The following LRRC4C variants were observed in gnomAD, a reference collection of about 807,000 sequenced individuals.
The protein encoded by LRRC4C is leucine-rich repeat-containing protein 4C.
LRRC4C carries 5 observed loss-of-function variants against 33.6 expected under a neutral mutation model. That is an observed-to-expected ratio of 0.15 (90% CI 0.08 to 0.31). LRRC4C has a LOEUF of 0.31. Among genes scored for constraint, LRRC4C ranks in the 10% least tolerant of loss-of-function variants. The pLI, the probability that LRRC4C is intolerant of heterozygous loss-of-function variation, is 1.00. For synonymous variants in LRRC4C, 329 were observed against 302.0 expected, an observed-to-expected ratio of 1.09 and a Z score of -0.93; for missense variants, 560 against 796.7, an observed-to-expected ratio of 0.70 and a Z score of 3.58.
chr11:41,125,244 A>C (rs945092813), intron 1 of LRRC4C, among the ~76,000 whole-genome samples: 1 of 150,946 alleles, frequency 6.6e-6, no homozygotes, highest in Non-Finnish European at 1.5e-5. Flanking sequence ...TCTCTATAAA[A>C]TTATTGACAA....
At chr11:40,454,032 G>A (rs923840348) in intron 3 of LRRC4C, among the ~76,000 whole-genome samples, 2 of 152,132 alleles carry the variant, frequency 1.3e-5, no homozygotes, top group African/African-American at 4.8e-5. Flanking sequence ...CTGTCAATGA[G>A]CAGTGCTAAA....
At chr11:41,176,917 A>C (rs984129860) in intron 1 of LRRC4C, among the ~76,000 whole-genome samples, 5 of 152,106 alleles carry the variant, frequency 3.3e-5, no homozygotes, top group Non-Finnish European at 5.9e-5. Context: ...GCGAGCTGAG[A>C]TTGCGCCACT....
In LRRC4C at chr11:40,543,517, C is replaced by T. The variant is rs139757024; in HGVS notation, c.-270+104625G>A. On this transcript the variant is annotated intron_variant, in intron 3 of 6. Coordinates refer to ENST00000528697, the MANE Select transcript of LRRC4C (RefSeq NM_001258419.2). ...AGATGCCATTCACTGAATTGAAATA[C>T]GTTCTCACTGGTTTCTAATATTCAC... is the stretch of plus-strand genomic sequence containing the variant. 3.4e-3 allele frequency among the ~76,000 whole-genome samples: 519 copies of T among 152,148 alleles called. 3 individuals carry two copies. Among genetic ancestry groups the T allele is most frequent in the African/African-American group, 0.012 (495 of 41,534 alleles).
intron 1 of LRRC4C, among the ~76,000 whole-genome samples, chr11:40,965,654 G>T (rs559730476): frequency 4.3e-4 from 66 of 152,200 alleles, no homozygotes; most frequent in Admixed American, 5.9e-4. Context: ...GTTTTTGTCA[G>T]ATTTGTCAAA....
chr11:40,350,215 A>G (rs1488398819), intron 3 of LRRC4C, among the ~76,000 whole-genome samples: 1 of 152,152 alleles, frequency 6.6e-6, no homozygotes, highest in Non-Finnish European at 1.5e-5. Flanking sequence ...TAGTAGTTTC[A>G]TAGCTTGCGA....
rs572735802 is a variant in LRRC4C, at chr11:40,669,044, T to C, written c.-406-20766A>G. 2.0e-5 allele frequency among the ~76,000 whole-genome samples: 3 copies of C among 152,314 alleles called. 1 individual carries two copies. The highest frequency in any genetic ancestry group is 7.2e-5 in the African/African-American group (3 of 41,582). ...TTTAAAGGCAAATATAAATCTTAAA[T>C]AGGTTTTCTATTCTGGGTAGCCCTC... On this transcript the variant is annotated intron_variant, in intron 2 of 6. Coordinates refer to ENST00000528697, the MANE Select transcript of LRRC4C (RefSeq NM_001258419.2).
intron 1 of LRRC4C, among the ~76,000 whole-genome samples, chr11:41,075,014 C>CTTTTTTTTTTTTATTTTTTT (rs1555064765): frequency 2.4e-4 from 24 of 101,048 alleles, no homozygotes; most frequent in Non-Finnish European, 3.9e-4. Context: ...CTTCAATTTT[C>CTTTTTTTTTTTTATTTTTTT]TTTTTTTTTT....
chr11:41,035,701 A>C (rs1395860747), intron 1 of LRRC4C, among the ~76,000 whole-genome samples: 1 of 152,218 alleles, frequency 6.6e-6, no homozygotes, highest in Non-Finnish European at 1.5e-5. Flanking sequence ...GGAATAATAC[A>C]TTTTCTAAAC....
intron 3 of LRRC4C, among the ~76,000 whole-genome samples, chr11:40,410,997 CT>C (rs1950137781): frequency 6.6e-6 from 1 of 151,916 alleles, no homozygotes; most frequent in Admixed American, 6.6e-5. Flanking sequence ...TTCTCCCTTG[CT>C]TTCTTGTTTA....
At chr11:40,753,004 T>A (rs980820858) in intron 2 of LRRC4C, among the ~76,000 whole-genome samples, 7 of 152,144 alleles carry the variant, frequency 4.6e-5, no homozygotes, top group African/African-American at 1.7e-4. Context: ...TTATGCTAAG[T>A]CAAATAAGTC....
At chr11:41,039,964 C>T (rs944918601) in intron 1 of LRRC4C, among the ~76,000 whole-genome samples, 4 of 151,676 alleles carry the variant, frequency 2.6e-5, no homozygotes, top group South Asian at 4.2e-4. Context: ...AACATGGTGC[C>T]GTCTCTACTA....
At chr11:40,875,771 G>A (rs551639343) in intron 2 of LRRC4C, among the ~76,000 whole-genome samples, 2 of 152,198 alleles carry the variant, frequency 1.3e-5, no homozygotes, top group South Asian at 2.1e-4. Flanking sequence ...AGGTGGGACG[G>A]TTTCGGGATG....
intron 1 of LRRC4C, among the ~76,000 whole-genome samples, chr11:41,411,140 C>CTTTTT (rs1249968357): frequency 2.0e-4 from 10 of 49,914 alleles, no homozygotes; most frequent in East Asian, 8.7e-4. Context: ...GGTTGGTACC[C>CTTTTT]TATTTTTTTT....
chr11:41,128,676 GT>G (rs1227290686), intron 1 of LRRC4C, among the ~76,000 whole-genome samples: 5 of 151,996 alleles, frequency 3.3e-5, no homozygotes, highest in Admixed American at 3.3e-4. Flanking sequence ...TTATTAATAA[GT>G]AATCTAATGC....
At chr11:41,039,816 G>T (rs1313596132) in intron 1 of LRRC4C, among the ~76,000 whole-genome samples, 1 of 151,954 alleles carries the variant, frequency 6.6e-6, no homozygotes, top group Non-Finnish European at 1.5e-5. Context: ...TTAGTGATTT[G>T]ATCTTTTGGT....
intron 2 of LRRC4C, among the ~76,000 whole-genome samples, chr11:40,900,173 A>C (rs765026496): frequency 3.3e-5 from 5 of 152,110 alleles, no homozygotes; most frequent in Admixed American, 6.6e-5. Context: ...ATATTGACTC[A>C]TGGATTCTCT....
At position 41,255,732 on chromosome 11, in the gene LRRC4C, T is replaced by TA. The variant is rs5791429; in HGVS notation, c.-496+203698dup. 3.5e-3 allele frequency among the ~76,000 whole-genome samples: 527 copies of TA among 151,232 alleles called. 4 individuals carry two copies. Among genetic ancestry groups the TA allele is most frequent in the African/African-American group, 0.011 (472 of 41,238 alleles). On this transcript the variant is annotated intron_variant, in intron 1 of 6. Coordinates refer to ENST00000528697, the MANE Select transcript of LRRC4C (RefSeq NM_001258419.2). Reference sequence around the variant, plus strand: ...AGGGAATTTTTCATAGCATATTATGTAAAAAAAAATTACCCTTTCTATAAC... The same window carrying TA: ...AGGGAATTTTTCATAGCATATTATGTAAAAAAAAAATTACCCTTTCTATAAC...
chr11:41,335,126 T>C (rs1226687768), intron 1 of LRRC4C, among the ~76,000 whole-genome samples: 1 of 152,166 alleles, frequency 6.6e-6, no homozygotes, highest in Non-Finnish European at 1.5e-5. Flanking sequence ...CAAGTGAGTA[T>C]CTCTGTTTAT....
intron 2 of LRRC4C, among the ~76,000 whole-genome samples, chr11:40,916,393 T>C (rs1472175823): frequency 6.6e-6 from 1 of 152,160 alleles, no homozygotes; most frequent in Non-Finnish European, 1.5e-5. Context: ...TCATGTCCTT[T>C]GTAGGGACAT....
Sources: allele counts gnomAD v4.1 joint callset (sites outside exome capture counted in the v4.1 genomes callset), GRCh38; gene constraint gnomAD v4.1.1; transcripts MANE v1.5; gene names NCBI Gene and HGNC (gene_info 2026-07-23, HGNC 2026-07-21).